The following CHN2 variants were observed in gnomAD, a reference collection of about 807,000 sequenced individuals.
The protein encoded by CHN2 is chimerin 2, also known as beta-chimaerin.
Under a neutral mutation model 56.3 loss-of-function variants are expected in CHN2, and 35 were observed. The observed-to-expected ratio is 0.62, with a 90% confidence interval of 0.47 to 0.82. The LOEUF (loss-of-function observed/expected upper bound fraction) is 0.82. Among genes scored for constraint, CHN2 ranks in the 40% least tolerant of loss-of-function variants. CHN2 has a pLI of 0.00. For synonymous variants in CHN2, 210 were observed against 212.8 expected, an observed-to-expected ratio of 0.99 and a Z score of 0.12; for missense variants, 491 against 580.5, an observed-to-expected ratio of 0.85 and a Z score of 1.58.
chr7:29,189,054 A>C (rs1033576564), intron 2 of CHN2, among the ~76,000 whole-genome samples: 7 of 150,698 alleles, frequency 4.6e-5, no homozygotes, highest in Non-Finnish European at 7.4e-5. Context: ...GGGTTCAAGC[A>C]ATTCTCCTGT....
intron 6 of CHN2, among the ~76,000 whole-genome samples, chr7:29,455,090 C>T (rs1255436148): frequency 1.3e-5 from 2 of 152,138 alleles, no homozygotes; most frequent in South Asian, 2.1e-4. Flanking sequence ...GGTGAGCAAT[C>T]CTGTTCTCCC....
chr7:29,340,402 G>A (rs111520675), intron 1 of CHN2, among the ~76,000 whole-genome samples: 20 of 151,696 alleles, frequency 1.3e-4, no homozygotes, highest in Admixed American at 8.5e-4. Flanking sequence ...GGTTGCTTGG[G>A]GGGGGGCCTC....
At chr7:29,494,161 T>C (rs565951814) in intron 7 of CHN2, among the ~76,000 whole-genome samples, 31 of 152,316 alleles carry the variant, frequency 2.0e-4, no homozygotes, top group Non-Finnish European at 3.2e-4. Flanking sequence ...GGCTCTTCTT[T>C]TACATCTGGT....
chr7:29,163,548 T>G lies in CHN2; in HGVS notation c.274+16588T>G, dbSNP rs1795492736. ...TATTACCTAAGAGACAATATCCATT[T>G]TTTTTTACAATCTTATTAAGGTATA... On this transcript the variant is annotated intron_variant, in intron 2 of 6. Transcript: ENST00000439384. Among the ~76,000 whole-genome samples the G allele has an allele frequency of 3.3e-5, 5 of 152,314 alleles. No individual in the cohort carries two copies. The South Asian group carries it at 1.0e-3, about 32-fold the overall frequency.
chr7:29,498,627 C>T (rs938290917), intron 8 of CHN2, among the ~76,000 whole-genome samples: 11 of 152,110 alleles, frequency 7.2e-5, no homozygotes, highest in South Asian at 2.1e-4. Flanking sequence ...CATGTGTGCA[C>T]GTGTGTGTTA....
In CHN2 at chr7:29,224,524, G is replaced by A. The variant is rs79637231; in HGVS notation, c.49+29534G>A. ...GAGAAATTCAGAAGCTAAAGGTTCAGGAGCCATTTCTGCCATTACTAACTG... is the reference window on the plus strand; with the variant it reads ...GAGAAATTCAGAAGCTAAAGGTTCAAGAGCCATTTCTGCCATTACTAACTG... On this transcript the variant is annotated intron_variant, in intron 1 of 12. Transcript: ENST00000222792. Among the ~76,000 whole-genome samples the A allele has an allele frequency of 2.2e-3, 332 of 152,298 alleles. 13 individuals carry two copies. In the East Asian group the frequency reaches 0.058, roughly 26 times the overall value.
At chr7:29,275,702 G>C (rs184676157) in intron 1 of CHN2, among the ~76,000 whole-genome samples, 1 of 152,276 alleles carries the variant, frequency 6.6e-6, no homozygotes, top group East Asian at 1.9e-4. Flanking sequence ...GAGGAGGAAA[G>C]TGAGGTCTCT....
chr7:29,371,698 G>A (rs1024942285), intron 3 of CHN2, among the ~76,000 whole-genome samples: 48 of 152,124 alleles, frequency 3.2e-4, no homozygotes, highest in African/African-American at 1.1e-3. Context: ...CTGTCTCACA[G>A]GCCACCACCA....
At chr7:29,201,675 T>C (rs1784173898) in intron 1 of CHN2, among the ~76,000 whole-genome samples, 1 of 152,202 alleles carries the variant, frequency 6.6e-6, no homozygotes, top group Non-Finnish European at 1.5e-5. Context: ...CCTAGGCATC[T>C]TTCTAGTGCT....
At chr7:29,174,921 G>C (rs1474400531) in intron 2 of CHN2, among the ~76,000 whole-genome samples, 1 of 150,244 alleles carries the variant, frequency 6.7e-6, no homozygotes, top group Non-Finnish European at 1.5e-5. Flanking sequence ...AAGAGAGAGA[G>C]ACACAAAATA....
chr7:29,348,372 T>TTTCTTTCC (rs1797625902), intron 1 of CHN2, among the ~76,000 whole-genome samples: 2 of 152,198 alleles, frequency 1.3e-5, no homozygotes, highest in Admixed American at 6.5e-5. Context: ...TTAACCCGCT[T>TTTCTTTCC]TTCTTTCCTC....
At chr7:29,337,686 G>A (rs1796729077) in intron 1 of CHN2, among the ~76,000 whole-genome samples, 1 of 152,128 alleles carries the variant, frequency 6.6e-6, no homozygotes, top group Non-Finnish European at 1.5e-5. Context: ...AGTGATAAAT[G>A]CATGCTAATG....
chr7:29,438,127 A>T (rs917813585), intron 6 of CHN2, among the ~76,000 whole-genome samples: 1 of 152,244 alleles, frequency 6.6e-6, no homozygotes, highest in African/African-American at 2.4e-5. Context: ...AGGACAGTCA[A>T]TGAAGGGGTA....
intron 11 of CHN2, among the ~76,000 whole-genome samples, chr7:29,507,795 T>C (rs187399634): frequency 6.6e-6 from 1 of 152,342 alleles, no homozygotes; most frequent in African/African-American, 2.4e-5. Context: ...ATAGCTTTAA[T>C]GATAATTTTA....
chr7:29,336,484 A>G (rs1012022713), intron 1 of CHN2, among the ~76,000 whole-genome samples: 2 of 152,030 alleles, frequency 1.3e-5, no homozygotes, highest in Non-Finnish European at 2.9e-5. Context: ...GGTAGCATGC[A>G]TTTGTAGTCT....
intron 2 of CHN2, among the ~76,000 whole-genome samples, chr7:29,147,947 G>A (rs192913973): frequency 1.7e-4 from 26 of 152,280 alleles, no homozygotes; most frequent in Admixed American, 1.6e-3. Flanking sequence ...GCAGGGAGAG[G>A]CGATTTCCAG....
chr7:29,510,933 ATT>A (rs1253965969), intron 12 of CHN2, among the ~76,000 whole-genome samples: 2 of 89,206 alleles, frequency 2.2e-5, no homozygotes, highest in African/African-American at 8.9e-5. Context: ...TGGTGACACT[ATT>A]CTCCCTAAAC....
At chr7:29,417,118 A>G (rs1803836109) in intron 6 of CHN2, among the ~76,000 whole-genome samples, 1 of 152,196 alleles carries the variant, frequency 6.6e-6, no homozygotes, top group South Asian at 2.1e-4. Flanking sequence ...CTCCCCTGCC[A>G]GGGCCCCAGC....
intron 1 of CHN2, among the ~76,000 whole-genome samples, chr7:29,314,549 AAAAT>A (rs1270979268): frequency 6.6e-6 from 1 of 152,238 alleles, no homozygotes; most frequent in East Asian, 1.9e-4. Context: ...GTCACAATGA[AAAAT>A]AAAATTAAGT....
Sources: gnomAD v4.1 joint callset for allele counts (sites outside exome capture counted in the v4.1 genomes callset) on GRCh38, gnomAD v4.1.1 for gene constraint, MANE v1.5 for transcripts, NCBI Gene and HGNC (gene_info 2026-07-23, HGNC 2026-07-21) for gene names.